CCNH: variants seen among roughly 807,000 people sequenced by gnomAD.
CCNH encodes the protein cyclin H.
CCNH carries 31 observed loss-of-function variants against 41.9 expected under a neutral mutation model. That is an observed-to-expected ratio of 0.74 (90% confidence interval 0.56 to 1.00). The LOEUF is 1.00. Among genes scored for constraint, CCNH ranks in the 50% least tolerant of loss-of-function variants. The pLI is 0.00. For synonymous variants in CCNH, 138 were observed against 136.1 expected (o/e 1.01, Z -0.10); for missense variants, 362 against 388.4 (o/e 0.93, Z 0.57).
intron 9 of CCNH, chr5:87,331,115 T>C: frequency 1.2e-6 from 1 of 865,878 alleles, no homozygotes; most frequent in Non-Finnish European, 1.8e-6. Flanking sequence ...AAGAGATTTA[T>C]ATATGAGATG....
Position 87,338,536 on chromosome 5 carries a change from A to ATATATATATTT in CCNH, c.*91-19640_*91-19639insAAATATATATA. On this transcript the variant is annotated intron_variant and NMD_transcript_variant, in intron 9 of 9. Coordinates refer to the CCNH transcript ENST00000645953. The stretch of plus-strand genomic sequence containing the variant: ...ATATATATATATATATATATATAAA[A>ATATATATATTT]TTTTTTTTTTTTTTAAGTAGAAATG... Among the ~76,000 whole-genome samples, 131 of 85,182 alleles carry ATATATATATTT rather than the reference A, an allele frequency of 1.5e-3. 3 individuals carry two copies. Among genetic ancestry groups the ATATATATATTT allele is most frequent in the Non-Finnish European group, 2.3e-3 (100 of 43,110 alleles). The allele number at this position is 85,182 out of a possible 152,430, so 55.9% of individuals were successfully genotyped here.
intron 5 of CCNH, among the ~76,000 whole-genome samples, 157 bp downstream of exon 5, chr5:87,404,687 C>G (rs1003817867): frequency 2.0e-5 from 3 of 152,132 alleles, no homozygotes; most frequent in African/African-American, 7.2e-5. Context: ...CAGTATTTTT[C>G]ATGATGTTTA....
intron 9 of CCNH, among the ~76,000 whole-genome samples, chr5:87,321,402 A>G (rs1046568837): frequency 1.3e-5 from 2 of 152,098 alleles, no homozygotes; most frequent in Non-Finnish European, 2.9e-5. Context: ...CAGATTCCCA[A>G]CGGCTGAGGG....
intron 1 of CCNH, 63 bp downstream of exon 1, chr5:87,412,615 A>T: frequency 1.3e-6 from 2 of 1,590,620 alleles, no homozygotes; most frequent in South Asian, 2.3e-5. Flanking sequence ...GAGCCAGAAG[A>T]GCTCCCGCAG....
chr5:87,397,112 C>G (rs1162124036), intron 7 of CCNH, among the ~76,000 whole-genome samples: 2 of 151,880 alleles, frequency 1.3e-5, no homozygotes, highest in Non-Finnish European at 2.9e-5. Flanking sequence ...GGTCCATGAA[C>G]AGTTTCCAGT....
chr5:87,388,459 A>G (rs142156247), downstream of CCNH, among the ~76,000 whole-genome samples: 104 of 152,322 alleles, frequency 6.8e-4, no homozygotes, highest in African/African-American at 2.3e-3. Flanking sequence ...TTGAGCACCA[A>G]CAGGAAATGC....
chr5:87,388,141 A>G (rs1434454303), downstream of CCNH, among the ~76,000 whole-genome samples: 1 of 152,180 alleles, frequency 6.6e-6, no homozygotes, highest in Non-Finnish European at 1.5e-5. Flanking sequence ...TGTTGCTATG[A>G]TTACTTTATT....
At chr5:87,362,990 C>T (rs189363766) in intron 9 of CCNH, among the ~76,000 whole-genome samples, 2 of 150,564 alleles carry the variant, frequency 1.3e-5, no homozygotes, top group East Asian at 3.9e-4. Flanking sequence ...TTTGACATAA[C>T]GACATTTTGG....
intron 9 of CCNH, among the ~76,000 whole-genome samples, chr5:87,324,978 G>T (rs758777413): frequency 6.6e-6 from 1 of 151,902 alleles, no homozygotes; most frequent in Non-Finnish European, 1.5e-5. Context: ...ACCTTTAGCA[G>T]ACTGTATTAG....
chr5:87,356,153 A>G (rs1759633756), intron 9 of CCNH, among the ~76,000 whole-genome samples: 1 of 152,204 alleles, frequency 6.6e-6, no homozygotes, highest in Non-Finnish European at 1.5e-5. Context: ...GAATGCTTCC[A>G]GTTTTGAAAG....
In CCNH at chr5:87,352,331, TTATATA is replaced by T. The variant is rs543563999; in HGVS notation, c.*91-33440_*91-33435del. ...ACACACACACACATATATATTCTAATTATATATATATAGAAGGTTAAACAAAATCTG... is the reference window on the plus strand; with the variant it reads ...ACACACACACACATATATATTCTAATTATATAGAAGGTTAAACAAAATCTG... On this transcript the variant is annotated intron_variant and NMD_transcript_variant, in intron 9 of 9. Transcript: ENST00000645953. Among the ~76,000 whole-genome samples the T allele has an allele frequency of 1.8e-4, 27 of 151,122 alleles. No individual in the cohort carries two copies. The South Asian group carries it at 5.4e-3, about 30-fold the overall frequency.
intron 4 of CCNH, among the ~76,000 whole-genome samples, chr5:87,405,443 T>C (rs1315557323): frequency 1.3e-5 from 2 of 152,220 alleles, no homozygotes; most frequent in African/African-American, 4.8e-5. Flanking sequence ...GAAAAAGTTT[T>C]AGAGTATGCC....
chr5:87,373,890 A>G (rs1401767888), downstream of CCNH, among the ~76,000 whole-genome samples: 1 of 151,980 alleles, frequency 6.6e-6, no homozygotes, highest in Admixed American at 6.6e-5. Context: ...GAAAAGGTGT[A>G]TTTCATTATT....
At position 87,409,024 on chromosome 5, in the gene CCNH, G is replaced by A. The variant is rs1764014192; in HGVS notation, c.314+266C>T. The A allele has an allele frequency of 1.2e-5, 3 of 247,184 alleles. No homozygotes were observed. In the South Asian group the frequency reaches 3.0e-4, roughly 25 times the overall value. The allele number at this position is 247,184 out of a possible 1,614,324, so 15.3% of individuals were successfully genotyped here. On this transcript the variant is annotated intron_variant, in intron 3 of 8. Coordinates refer to ENST00000256897, the MANE Select transcript of CCNH (RefSeq NM_001239.4). Reference sequence around the variant, plus strand: ...ACAAAGGTGTCTAATAGGAAGAGATGTTAGAGAAGTAGCTAATTTGAGAAA... The same window carrying A: ...ACAAAGGTGTCTAATAGGAAGAGATATTAGAGAAGTAGCTAATTTGAGAAA...
At chr5:87,317,920 G>A (rs1426672910), downstream of CCNH, among the ~76,000 whole-genome samples, 3 of 152,078 alleles carry the variant, frequency 2.0e-5, no homozygotes, top group South Asian at 6.2e-4. Flanking sequence ...ACAGGCTTGA[G>A]CCACCGCGCC....
At chr5:87,351,600 G>A (rs571948873) in intron 9 of CCNH, among the ~76,000 whole-genome samples, 1 of 151,848 alleles carries the variant, frequency 6.6e-6, no homozygotes, top group Admixed American at 6.6e-5. Context: ...CATTGAATAT[G>A]CTTTAGTTTT....
intron 9 of CCNH, chr5:87,363,373 A>C: frequency 6.2e-7 from 1 of 1,610,650 alleles, no homozygotes. Context: ...GGAAAAATTT[A>C]TATTTTATCT....
At chr5:87,395,918 A>G (rs1762920352) in intron 7 of CCNH, among the ~76,000 whole-genome samples, 1 of 152,024 alleles carries the variant, frequency 6.6e-6, no homozygotes, top group African/African-American at 2.4e-5. Flanking sequence ...AGTATTTGGA[A>G]AAAAGTTGTG....
downstream of CCNH, among the ~76,000 whole-genome samples, chr5:87,317,838 G>T (rs1259119059): frequency 3.3e-5 from 5 of 152,002 alleles, no homozygotes; most frequent in Admixed American, 1.3e-4. Flanking sequence ...GTTTTGCCAT[G>T]TTGCCCAGGC....
Sources: allele counts gnomAD v4.1 joint callset (sites outside exome capture counted in the v4.1 genomes callset), GRCh38; gene constraint gnomAD v4.1.1; transcripts MANE v1.5; gene names NCBI Gene and HGNC (gene_info 2026-07-23, HGNC 2026-07-21).